MYOM2: variants seen among roughly 807,000 people sequenced by gnomAD.
MYOM2 encodes the protein myomesin-2.
Under a neutral mutation model 187.6 loss-of-function variants are expected in MYOM2, and 254 were observed. The ratio of observed to expected loss-of-function variants is 1.35; its 90% CI spans 1.22 to 1.50. MYOM2 has a LOEUF of 1.50. Among genes scored for constraint, MYOM2 ranks in the 40% most tolerant of loss-of-function variants. The pLI, the probability that MYOM2 is intolerant of heterozygous loss-of-function variation, is 0.00. For missense variants in MYOM2, 2,796 were observed against 1,924.0 expected (o/e 1.45, Z -8.48); for synonymous variants, 981 against 753.8 (o/e 1.30, Z -4.94).
chr8:2,079,460 C>T (rs527483704), intron 12 of MYOM2, 100 bp from the exon 13 acceptor site: 10 of 1,148,832 alleles, frequency 8.7e-6, no homozygotes, highest in South Asian at 1.2e-5. Flanking sequence ...GGTTGTAGTC[C>T]TAATGCAGAG....
intron 32 of MYOM2, among the ~76,000 whole-genome samples, chr8:2,132,933 G>C (rs1172891020): frequency 6.6e-6 from 1 of 152,172 alleles, no homozygotes; most frequent in Non-Finnish European, 1.5e-5. Flanking sequence ...CACAGGGTGG[G>C]AGGGGCAGTG....
chr8:2,123,606 G>A lies in MYOM2; in HGVS notation c.3619G>A (p.Gly1207Ser). 1 of 1,614,116 alleles carries A rather than the reference G, an allele frequency of 6.2e-7. No individual in the cohort carries two copies. The highest frequency in any genetic ancestry group is 8.5e-7 in the Non-Finnish European group (1 of 1,180,004). The change falls in exon 30 of 37, where the codon GGC (glycine) becomes AGC (serine). Residue 1207 changes from glycine to serine, a missense_variant. Coordinates refer to ENST00000262113, the MANE Select transcript of MYOM2 (RefSeq NM_003970.4). ...CAAGGCAACCTTGAAAGATGACAGA[G>A]GCCAAGATGTGTCCATCCTTGAAAT... is the stretch of plus-strand genomic sequence containing the variant. The part of the protein sequence containing the change: ...EYKATLKDDR[G>S]QDVSILEIAG...
At chr8:2,052,123 G>A in intron 2 of MYOM2, 35 bp from the exon 3 acceptor site, 2 of 1,611,530 alleles carry the variant, frequency 1.2e-6, no homozygotes, top group African/African-American at 2.7e-5. Flanking sequence ...CTGTGCCTGA[G>A]CATGCATCTC....
intron 6 of MYOM2, among the ~76,000 whole-genome samples, chr8:2,065,356 G>C (rs369555560): frequency 6.6e-6 from 1 of 152,148 alleles, no homozygotes; most frequent in African/African-American, 2.4e-5. Context: ...GAATCACGAG[G>C]TCAGGAGTTT....
intron 21 of MYOM2, 124 bp from the exon 22 acceptor site, chr8:2,106,118 G>C (rs1796879296): frequency 1.0e-6 from 1 of 961,914 alleles, no homozygotes; most frequent in South Asian, 1.6e-5. Context: ...TCTACACTTG[G>C]GGATTACAAT....
intron 6 of MYOM2, among the ~76,000 whole-genome samples, chr8:2,067,693 G>A (rs1819062690): frequency 6.6e-6 from 1 of 152,118 alleles, no homozygotes; most frequent in Admixed American, 6.5e-5. Context: ...GGAAGCAGAA[G>A]ACCCACCCCC....
intron 18 of MYOM2, 85 bp downstream of exon 18, chr8:2,096,519 G>C (rs1796491952): frequency 1.5e-6 from 2 of 1,305,514 alleles, no homozygotes; most frequent in South Asian, 2.8e-5. Flanking sequence ...GATGACATTA[G>C]ATAGTTTGAT....
At position 2,085,366 on chromosome 8, in the gene MYOM2, C is replaced by G. The variant is rs1819779524; in HGVS notation, c.1620C>G (p.Asp540Glu). Residue 540 changes from aspartate (D) to glutamate (E), a missense_variant, in exon 14 of 37, where the codon GAC becomes GAG. Physicochemically the swap from Asp to Glu is conservative, Grantham distance 45. Coordinates refer to ENST00000262113, the MANE Select transcript of MYOM2 (RefSeq NM_003970.4). ...AGCCACCCACTCCCCGTGGCAAGGA[C>G]CCGCTCATGTACTTCATTGAGAAGG... is the stretch of plus-strand genomic sequence containing the variant. ...SWEPPTPRGKDPLMYFIEKSV... is the reference protein window; with the variant it reads ...SWEPPTPRGKEPLMYFIEKSV... The G allele has an allele frequency of 6.2e-7, 1 of 1,613,288 alleles. No homozygotes were observed. Among genetic ancestry groups the G allele is most frequent in the Non-Finnish European group, 8.5e-7 (1 of 1,179,808 alleles).
intron 28 of MYOM2, chr8:2,118,889 G>C (rs1797334156): frequency 6.6e-6 from 1 of 151,302 alleles, no homozygotes; most frequent in South Asian, 2.1e-4. Flanking sequence ...CAGCAGGGCA[G>C]TTTCATATCC....
chr8:2,082,559 C>T (rs1354921469), intron 13 of MYOM2, among the ~76,000 whole-genome samples: 1 of 152,186 alleles, frequency 6.6e-6, no homozygotes, highest in Non-Finnish European at 1.5e-5. Context: ...GCAATGTCTT[C>T]CTTCACACAT....
chr8:2,112,063 T>C (rs540095553), intron 25 of MYOM2, among the ~76,000 whole-genome samples: 69 of 152,256 alleles, frequency 4.5e-4, no homozygotes, highest in South Asian at 1.0e-3. Flanking sequence ...CGGGAGCTGT[T>C]GGGAGCTTGG....
chr8:2,095,912 TC>T (rs2116752874), intron 17 of MYOM2, among the ~76,000 whole-genome samples: 1 of 152,334 alleles, frequency 6.6e-6, no homozygotes, highest in Non-Finnish European at 1.5e-5. Flanking sequence ...TCGCCAAGCT[TC>T]TTTCAAGGGG....
chr8:2,071,080 G>T lies in MYOM2; in HGVS notation c.794-1265G>T, dbSNP rs977817207. ...TCTCCCTGGCTCAAGGAATCCTTTT[G>T]CTTCAACCTCCCAAATAGCTGGGAC... On this transcript the variant is annotated intron_variant, in intron 8 of 36. Coordinates refer to ENST00000262113, the MANE Select transcript of MYOM2 (RefSeq NM_003970.4). 1.2e-4 allele frequency among the ~76,000 whole-genome samples: 18 copies of T among 152,202 alleles called. No individual in the cohort carries two copies. The South Asian group carries it at 3.5e-3, about 30-fold the overall frequency.
At chr8:2,101,471 C>A (rs1406796842) in intron 20 of MYOM2, among the ~76,000 whole-genome samples, 1 of 152,238 alleles carries the variant, frequency 6.6e-6, no homozygotes, top group Admixed American at 6.5e-5. Flanking sequence ...AAGCCAGCAC[C>A]GAGCCCCGAG....
chr8:2,048,345 T>C (rs894300801), intron 1 of MYOM2, among the ~76,000 whole-genome samples: 1 of 152,218 alleles, frequency 6.6e-6, no homozygotes, highest in African/African-American at 2.4e-5. Flanking sequence ...ACCCTGCTGG[T>C]GAACTCCAGA....
chr8:2,057,353 A>G lies in MYOM2; in HGVS notation c.269A>G (p.Gln90Arg). The change falls in exon 4 of 37, where the codon CAG (glutamine) becomes CGG (arginine). Residue 90 changes from glutamine (Q) to arginine (R), a missense_variant. Transcript: ENST00000262113. ...CTGCTTCTCGGCTCCTGCAGGTACC[A>G]GTCCCTGGTGGCCGCCTATGGTGAG... The part of the protein sequence containing the change: ...DEEQENRSRY[Q>R]SLVAAYGEAK... 1 of 1,604,484 alleles carries G rather than the reference A, an allele frequency of 6.2e-7. No individual in the cohort carries two copies. The highest frequency in any genetic ancestry group is 1.1e-5 in the South Asian group (1 of 90,024).
chr8:2,070,563 C>T (rs1819179966), intron 8 of MYOM2, among the ~76,000 whole-genome samples: 1 of 152,108 alleles, frequency 6.6e-6, no homozygotes. Flanking sequence ...GGAGAGTTGC[C>T]CCAGGCACTG....
At position 2,140,893 on chromosome 8, in the gene MYOM2, G is replaced by C. The variant is rs749365694; in HGVS notation, c.3964+7G>C. The C allele has an allele frequency of 3.1e-6, 5 of 1,597,646 alleles. No homozygotes were observed. The South Asian group carries it at 4.5e-5, about 14-fold the overall frequency. ...CTTGACCTGTCCGGACAAGGTAAGAGAATTCTTCTTTAGCATTTAATAATT... is the reference window on the plus strand; with the variant it reads ...CTTGACCTGTCCGGACAAGGTAAGACAATTCTTCTTTAGCATTTAATAATT... On this transcript the variant is annotated splice_region_variant and intron_variant, in intron 33 of 36. Transcript: ENST00000262113.
At chr8:2,051,543 T>C (rs1818487828) in intron 2 of MYOM2, among the ~76,000 whole-genome samples, 1 of 152,246 alleles carries the variant, frequency 6.6e-6, no homozygotes, top group African/African-American at 2.4e-5. Flanking sequence ...CCACACCCTA[T>C]GTTTAGAAAC....
Sources: gnomAD v4.1 joint callset for allele counts (sites outside exome capture counted in the v4.1 genomes callset) on GRCh38, gnomAD v4.1.1 for gene constraint, MANE v1.5 for transcripts, NCBI Gene and HGNC (gene_info 2026-07-23, HGNC 2026-07-21) for gene names.